The following PRKN variants were observed in gnomAD, a reference collection of about 807,000 sequenced individuals.
PRKN encodes the protein E3 ubiquitin-protein ligase parkin.
Under a neutral mutation model 59.5 loss-of-function variants are expected in PRKN, and 56 were observed. The observed-to-expected ratio is 0.94, with a 90% CI of 0.76 to 1.18. The LOEUF is 1.18. Ranked by LOEUF, PRKN falls within the 50% of genes most tolerant of loss-of-function variation. The probability of loss-of-function intolerance (pLI) is 0.00; values close to 1 mark genes in which losing one functional copy is unlikely to be tolerated. For missense variants in PRKN, 657 were observed against 596.4 expected, an observed-to-expected ratio of 1.10 and a Z score of -1.06; for synonymous variants, 250 against 222.1, an observed-to-expected ratio of 1.13 and a Z score of -1.12.
intron 7 of PRKN, among the ~76,000 whole-genome samples, chr6:161,694,358 C>T (rs1026498439): frequency 1.3e-5 from 2 of 152,124 alleles, no homozygotes; most frequent in Non-Finnish European, 2.9e-5. Context: ...ATGCACTTCA[C>T]ATAATGTTGT....
chr6:162,380,492 CACACATATA>C (rs1786410511), intron 2 of PRKN, among the ~76,000 whole-genome samples: 1 of 23,776 alleles, frequency 4.2e-5, no homozygotes, highest in Admixed American at 3.6e-4. Flanking sequence ...TGTATATATA[CACACATATA>C]TATGTGTGTA....
chr6:161,942,649 A>G (rs146803319), intron 6 of PRKN, among the ~76,000 whole-genome samples: 163 of 152,338 alleles, frequency 1.1e-3, no homozygotes, highest in Non-Finnish European at 1.7e-3. Context: ...TGCTCCCATT[A>G]TACCTACCTG....
At chr6:162,632,977 C>A (rs1583947197) in intron 1 of PRKN, among the ~76,000 whole-genome samples, 1 of 151,918 alleles carries the variant, frequency 6.6e-6, no homozygotes, top group East Asian at 1.9e-4. Context: ...AATATTTTTT[C>A]ATTTAAAATA....
rs998119069 is a variant in PRKN at position 161,547,704 on chromosome 6, T to C, written c.1083+1150A>G. Among the ~76,000 whole-genome samples, 10 of 152,346 alleles carry C rather than the reference T, an allele frequency of 6.6e-5. No individual in the cohort carries two copies. The highest frequency in any genetic ancestry group is 2.4e-4 in the African/African-American group (10 of 41,576). ...AACCTGCTGAGGCCACACACAATCATTGCAGATAATTCAGCACATGATAAT... is the reference window on the plus strand; with the variant it reads ...AACCTGCTGAGGCCACACACAATCACTGCAGATAATTCAGCACATGATAAT... On this transcript the variant is annotated intron_variant, in intron 9 of 11. Transcript: ENST00000366898. This position sits in a 1 kb window ranked among gnomAD's most constrained non-coding sequence, Gnocchi z 4.0.
chr6:162,701,335 A>G (rs147725395), intron 1 of PRKN, among the ~76,000 whole-genome samples: 9 of 152,302 alleles, frequency 5.9e-5, no homozygotes, highest in Admixed American at 3.9e-4. Context: ...GCACAAGAAG[A>G]TAAGAATTAA....
At chr6:162,024,777 G>T (rs1783357172) in intron 5 of PRKN, among the ~76,000 whole-genome samples, 1 of 152,110 alleles carries the variant, frequency 6.6e-6, no homozygotes, top group Non-Finnish European at 1.5e-5. Flanking sequence ...ACCTAAGAAT[G>T]AATTTTGAGT....
intron 7 of PRKN, among the ~76,000 whole-genome samples, chr6:161,737,933 T>C (rs1788033230): frequency 6.6e-6 from 1 of 152,202 alleles, no homozygotes; most frequent in Non-Finnish European, 1.5e-5. Flanking sequence ...TGAACCACTA[T>C]TACCATTTGG....
At chr6:161,573,760 A>T (rs1331325694) in intron 7 of PRKN, among the ~76,000 whole-genome samples, 1 of 47,578 alleles carries the variant, frequency 2.1e-5, no homozygotes, top group African/African-American at 1.5e-4. Context: ...AAAAAAATAT[A>T]TATATATATA....
chr6:162,531,685 A>G (rs1346896924), intron 1 of PRKN, among the ~76,000 whole-genome samples: 1 of 152,184 alleles, frequency 6.6e-6, no homozygotes, highest in Non-Finnish European at 1.5e-5. Flanking sequence ...GAGGGTCAGA[A>G]TCTTGTAGGC....
At chr6:162,032,781 T>C (rs1212379259) in intron 5 of PRKN, among the ~76,000 whole-genome samples, 1 of 152,198 alleles carries the variant, frequency 6.6e-6, no homozygotes, top group Non-Finnish European at 1.5e-5. Flanking sequence ...GACTCATCTC[T>C]GATGTGTGGC....
At position 161,993,121 on chromosome 6, in the gene PRKN, A is replaced by G. The variant is rs527684436; in HGVS notation, c.619-19704T>C. Among the ~76,000 whole-genome samples the G allele has an allele frequency of 7.9e-5, 12 of 152,224 alleles. 1 individual carries two copies. In the East Asian group the frequency reaches 2.1e-3, roughly 27 times the overall value. On this transcript the variant is annotated intron_variant, in intron 5 of 11. Coordinates refer to ENST00000366898, the MANE Select transcript of PRKN (RefSeq NM_004562.3). ...ATAATAAAGACCAGAGTGGAACTAA[A>G]TGAGATAGAGACAAGAAAAATGTAA...
intron 6 of PRKN, among the ~76,000 whole-genome samples, chr6:161,798,905 T>C (rs1310819771): frequency 1.3e-5 from 2 of 152,134 alleles, no homozygotes; most frequent in Non-Finnish European, 2.9e-5. Context: ...TCCACTGTGC[T>C]CGGGGCTCCC....
chr6:161,352,771 A>ATATATATTTTTT lies in PRKN; in HGVS notation c.1286-2561_1286-2560insAAAAAATATATA, dbSNP rs34279714. ...TGTGTGTGTGTATATATATATATATATTTTATTTTATTTTATTTTATTTTT... is the reference window on the plus strand; with the variant it reads ...TGTGTGTGTGTATATATATATATATATATATATTTTTTTTTTATTTTATTTTATTTTATTTTT... On this transcript the variant is annotated intron_variant, in intron 11 of 11. Coordinates refer to ENST00000366898, the MANE Select transcript of PRKN (RefSeq NM_004562.3). This position sits in a 1 kb window ranked among gnomAD's most constrained non-coding sequence, Gnocchi z 5.8. Among the ~76,000 whole-genome samples the ATATATATTTTTT allele has an allele frequency of 9.3e-3, 1,092 of 116,870 alleles. 26 individuals carry two copies. The highest frequency in any genetic ancestry group is 0.067 in the South Asian group (266 of 3,976). The allele number at this position is 116,870 out of a possible 152,430, so 76.7% of individuals were successfully genotyped here.
chr6:162,304,081 G>A (rs529665737), intron 2 of PRKN, among the ~76,000 whole-genome samples: 2 of 7,478 alleles, frequency 2.7e-4, no homozygotes, highest in Non-Finnish European at 9.9e-4. Flanking sequence ...CTCTGTGAAG[G>A]GAGAAAAAAA....
rs553651033 is a variant in PRKN at position 162,686,985 on chromosome 6, T to C, written c.7+40677A>G. On this transcript the variant is annotated intron_variant, in intron 1 of 11. Coordinates refer to ENST00000366898, the MANE Select transcript of PRKN (RefSeq NM_004562.3). ...GCTTTGTTTTTGGTTGTTGTTGTTTTGTTTTGCTTAGGCTTTGCTTTTTTA... is the reference window on the plus strand; with the variant it reads ...GCTTTGTTTTTGGTTGTTGTTGTTTCGTTTTGCTTAGGCTTTGCTTTTTTA... Among the ~76,000 whole-genome samples, 3 of 152,242 alleles carry C rather than the reference T, an allele frequency of 2.0e-5. No homozygotes were observed. The East Asian group carries it at 5.8e-4, about 29-fold the overall frequency.
rs1003772375 is a variant in PRKN at position 162,536,447 on chromosome 6, G to T, written c.8-92974C>A. Among the ~76,000 whole-genome samples the T allele has an allele frequency of 2.6e-5, 4 of 152,180 alleles. No individual in the cohort carries two copies. In the South Asian group the frequency reaches 6.2e-4, roughly 24 times the overall value. On this transcript the variant is annotated intron_variant, in intron 1 of 11. Coordinates refer to ENST00000366898, the MANE Select transcript of PRKN (RefSeq NM_004562.3). ...TGGTGTCATTTTAGCTCTGAGTTAT[G>T]TATTAAGGTCACCTGCTTTAAAAAA...
chr6:161,752,393 A>C (rs1334305272), intron 7 of PRKN, among the ~76,000 whole-genome samples: 1 of 152,080 alleles, frequency 6.6e-6, no homozygotes, highest in Non-Finnish European at 1.5e-5. Flanking sequence ...AAAACAAAAC[A>C]AACAAAAAAC....
intron 2 of PRKN, among the ~76,000 whole-genome samples, chr6:162,314,721 C>A (rs996302976): frequency 6.6e-5 from 10 of 152,180 alleles, no homozygotes; most frequent in African/African-American, 2.2e-4. Flanking sequence ...ACGAACAGTT[C>A]ATTCACTCAT....
At chr6:162,472,468 T>TATATATATATATATATATATATATC (rs1385821060) in intron 1 of PRKN, among the ~76,000 whole-genome samples, 3 of 104,472 alleles carry the variant, frequency 2.9e-5, no homozygotes, top group Admixed American at 9.3e-5. Flanking sequence ...TTTTATTTTA[T>TATATATATATATATATATATATATC]TTTATTTTAT....
Sources: gnomAD v4.1 joint callset for allele counts (sites outside exome capture counted in the v4.1 genomes callset) on GRCh38, gnomAD v4.1.1 for gene constraint, Gnocchi (gnomAD v3.1) non-coding constraint, MANE v1.5 for transcripts, NCBI Gene and HGNC (gene_info 2026-07-23, HGNC 2026-07-21) for gene names.